Variants in GRIN2A observed in about 807,000 individuals in gnomAD.
The protein encoded by GRIN2A is glutamate ionotropic receptor NMDA type subunit 2A.
In GRIN2A, 22 loss-of-function variants were observed where a neutral mutation model predicts 113.4. That is an observed-to-expected ratio of 0.19 (90% CI 0.14 to 0.28). The LOEUF (loss-of-function observed/expected upper bound fraction) is 0.28. Among genes scored for constraint, GRIN2A ranks in the 10% least tolerant of loss-of-function variants. GRIN2A has a pLI of 1.00. For missense variants in GRIN2A, 1,502 were observed against 1,887.0 expected, an observed-to-expected ratio of 0.80 and a Z score of 3.78; for synonymous variants, 827 against 738.4, an observed-to-expected ratio of 1.12 and a Z score of -1.94.
chr16:10,017,667 T>C (rs899087427), intron 2 of GRIN2A, among the ~76,000 whole-genome samples: 1 of 152,132 alleles, frequency 6.6e-6, no homozygotes, highest in Admixed American at 6.5e-5. Flanking sequence ...GAGTACTCAG[T>C]ATACATTGGT....
intron 2 of GRIN2A, among the ~76,000 whole-genome samples, chr16:9,973,591 G>A (rs1292009501): frequency 6.6e-6 from 1 of 152,062 alleles, no homozygotes; most frequent in Non-Finnish European, 1.5e-5. Flanking sequence ...CCCCAAATAG[G>A]ACAAATGTGG....
At chr16:10,051,947 T>G (rs1181803094) in intron 2 of GRIN2A, among the ~76,000 whole-genome samples, 1 of 152,246 alleles carries the variant, frequency 6.6e-6, no homozygotes, top group Non-Finnish European at 1.5e-5. Context: ...GCATTTTCAT[T>G]TGTCAGATCA....
intron 4 of GRIN2A, among the ~76,000 whole-genome samples, chr16:9,859,139 C>G (rs1451261992): frequency 1.3e-5 from 2 of 152,028 alleles, no homozygotes; most frequent in Non-Finnish European, 2.9e-5. Context: ...ATCAACCTCA[C>G]TATTCTCTTT....
chr16:9,807,376 GA>G (rs1437994265), intron 10 of GRIN2A, among the ~76,000 whole-genome samples: 1 of 64,242 alleles, frequency 1.6e-5, no homozygotes, highest in Non-Finnish European at 3.0e-5. Context: ...GGGGGAGGGA[GA>G]GGGGGAGGGA....
chr16:10,096,138 TGG>T (rs1567295399), intron 2 of GRIN2A, among the ~76,000 whole-genome samples: 1 of 152,198 alleles, frequency 6.6e-6, no homozygotes, highest in Non-Finnish European at 1.5e-5. Context: ...TCAGATTCAC[TGG>T]GGGTTTAGGG....
At chr16:10,036,494 T>C (rs2047032157) in intron 2 of GRIN2A, among the ~76,000 whole-genome samples, 1 of 141,342 alleles carries the variant, frequency 7.1e-6, no homozygotes, top group South Asian at 2.5e-4. Context: ...ATTCTCACTC[T>C]GTCACCCAGG....
intron 2 of GRIN2A, chr16:9,943,029 C>T (rs1488968444): frequency 6.6e-6 from 1 of 152,222 alleles, no homozygotes; most frequent in Non-Finnish European, 1.5e-5. Flanking sequence ...AATCTGGCCA[C>T]ACTCCCAGGG....
At chr16:10,007,854 G>A (rs1322946052) in intron 2 of GRIN2A, among the ~76,000 whole-genome samples, 2 of 152,170 alleles carry the variant, frequency 1.3e-5, no homozygotes, top group Non-Finnish European at 2.9e-5. Flanking sequence ...GGGCAGATAA[G>A]AACACAGGAG....
intron 4 of GRIN2A, among the ~76,000 whole-genome samples, chr16:9,853,864 T>C (rs2042924078): frequency 6.6e-6 from 1 of 152,198 alleles, no homozygotes; most frequent in Non-Finnish European, 1.5e-5. Context: ...TCACTCCTTC[T>C]ATATTACAGC....
intron 2 of GRIN2A, among the ~76,000 whole-genome samples, chr16:10,062,915 A>C (rs886621181): frequency 6.6e-6 from 1 of 152,088 alleles, no homozygotes; most frequent in Non-Finnish European, 1.5e-5. Flanking sequence ...GCAAAAAGAC[A>C]CATGCACTCA....
intron 2 of GRIN2A, among the ~76,000 whole-genome samples, chr16:10,118,543 C>G (rs2048772490): frequency 6.6e-6 from 1 of 152,196 alleles, no homozygotes; most frequent in Non-Finnish European, 1.5e-5. Context: ...AAATATTTTA[C>G]ATGCCCAATC....
intron 1 of GRIN2A, 168 bp downstream of exon 1, chr16:10,181,709 C>T (rs1382516746): frequency 6.6e-6 from 1 of 152,554 alleles, no homozygotes; most frequent in Admixed American, 6.5e-5. Context: ...GGGTAAGCGC[C>T]GCGGAGCGCG....
chr16:10,097,807 G>A (rs1045726889), intron 2 of GRIN2A, among the ~76,000 whole-genome samples: 2 of 152,136 alleles, frequency 1.3e-5, no homozygotes, highest in African/African-American at 4.8e-5. Flanking sequence ...GTGGATCAAG[G>A]ACTTAAATCT....
chr16:9,876,079 C>G (rs2043359873), intron 4 of GRIN2A, among the ~76,000 whole-genome samples: 1 of 152,126 alleles, frequency 6.6e-6, no homozygotes, highest in African/African-American at 2.4e-5. Flanking sequence ...ACACCAAGCT[C>G]TGTGCCAAAG....
intron 2 of GRIN2A, among the ~76,000 whole-genome samples, chr16:10,063,276 T>G (rs1567271748): frequency 6.6e-6 from 1 of 152,180 alleles, no homozygotes; most frequent in Non-Finnish European, 1.5e-5. Flanking sequence ...GCTCACTACT[T>G]GGATGATGGG....
chr16:10,078,911 C>T (rs2352743), intron 2 of GRIN2A, among the ~76,000 whole-genome samples: 73,668 of 152,168 alleles, frequency 0.48, 18,816 homozygotes, highest in East Asian at 0.91. Context: ...ATTGCAAACA[C>T]TGTTGTGCAT....
At chr16:10,138,415 G>C (rs4782288) in intron 2 of GRIN2A, among the ~76,000 whole-genome samples, 13,327 of 152,194 alleles carry the variant, frequency 0.088, 612 homozygotes, top group South Asian at 0.11. Context: ...AAGACGAAGA[G>C]GAAGCGAGGA....
At chr16:9,891,644 A>T (rs1189386644) in intron 3 of GRIN2A, among the ~76,000 whole-genome samples, 1 of 152,206 alleles carries the variant, frequency 6.6e-6, no homozygotes, top group Non-Finnish European at 1.5e-5. Context: ...GACAAATGAT[A>T]CAAGGGACGG....
chr16:9,824,400 G>A (rs1041929721), intron 9 of GRIN2A, among the ~76,000 whole-genome samples: 16 of 152,212 alleles, frequency 1.1e-4, no homozygotes, highest in African/African-American at 3.9e-4. Context: ...AAATCTCCTT[G>A]TAGCAGCCAT....
Sources: gnomAD v4.1 joint callset for allele counts (sites outside exome capture counted in the v4.1 genomes callset) on GRCh38, gnomAD v4.1.1 for gene constraint, MANE v1.5 for transcripts, NCBI Gene and HGNC (gene_info 2026-07-23, HGNC 2026-07-21) for gene names.